PPARGC1A: variants seen among roughly 807,000 people sequenced by gnomAD.
The protein encoded by PPARGC1A is PPARG coactivator 1 alpha.
PPARGC1A carries 25 observed loss-of-function variants against 88.7 expected under a neutral mutation model. The ratio of observed to expected loss-of-function variants is 0.28; its 90% CI spans 0.21 to 0.39. The LOEUF (loss-of-function observed/expected upper bound fraction) is 0.39. PPARGC1A is among the 10% of genes least tolerant of loss of function. The pLI, the probability that PPARGC1A is intolerant of heterozygous loss-of-function variation, is 1.00. For synonymous variants in PPARGC1A, 363 were observed against 355.6 expected (o/e 1.02, Z -0.24); for missense variants, 880 against 968.7 (o/e 0.91, Z 1.22).
chr4:24,174,715 A>G, the PPARGC1A span, among the ~76,000 whole-genome samples: 1 of 151,916 alleles, frequency 6.6e-6, no homozygotes, highest in East Asian at 1.9e-4. Flanking sequence ...TGCTCGGGGC[A>G]TTTTTCCATG....
At chr4:24,446,788 G>A in the PPARGC1A span, among the ~76,000 whole-genome samples, 13 of 151,944 alleles carry the variant, frequency 8.6e-5, no homozygotes, top group African/African-American at 2.2e-4. Context: ...CAGTAGAGAC[G>A]GATGTTTTGC....
chr4:24,104,643 G>T, the PPARGC1A span, among the ~76,000 whole-genome samples: 1 of 152,074 alleles, frequency 6.6e-6, no homozygotes, highest in Non-Finnish European at 1.5e-5. Flanking sequence ...GCAATCAGAA[G>T]GAACATCAAA....
the PPARGC1A span, among the ~76,000 whole-genome samples, chr4:23,937,145 G>A: frequency 6.6e-6 from 1 of 151,228 alleles, no homozygotes. Context: ...AGGGAGAAAG[G>A]ATACGAGATA....
At chr4:24,455,233 T>C in the PPARGC1A span, among the ~76,000 whole-genome samples, 1 of 152,182 alleles carries the variant, frequency 6.6e-6, no homozygotes, top group African/African-American at 2.4e-5. Flanking sequence ...GTAATCCCAG[T>C]GCCTTGAGAG....
chr4:24,146,877 T>A, the PPARGC1A span, among the ~76,000 whole-genome samples: 1 of 152,202 alleles, frequency 6.6e-6, no homozygotes, highest in African/African-American at 2.4e-5. Flanking sequence ...TCCACATCAC[T>A]TATTATCTAA....
the PPARGC1A span, among the ~76,000 whole-genome samples, chr4:24,038,081 T>C: frequency 6.6e-6 from 1 of 152,182 alleles, no homozygotes; most frequent in Non-Finnish European, 1.5e-5. Context: ...ATAGAATGGA[T>C]TTCAGCCCCC....
chr4:23,946,170 T>C, the PPARGC1A span, among the ~76,000 whole-genome samples: 1 of 152,096 alleles, frequency 6.6e-6, no homozygotes, highest in Non-Finnish European at 1.5e-5. Flanking sequence ...TCTCTCCCTT[T>C]CCCCCAAAAC....
At chr4:23,995,860 T>G in the PPARGC1A span, among the ~76,000 whole-genome samples, 1 of 152,166 alleles carries the variant, frequency 6.6e-6, no homozygotes, top group Non-Finnish European at 1.5e-5. Flanking sequence ...TAGTTTTATA[T>G]GTTCATTGAT....
At chr4:23,897,523 G>A (rs1458443999) in intron 1 of PPARGC1A, among the ~76,000 whole-genome samples, 1 of 152,192 alleles carries the variant, frequency 6.6e-6, no homozygotes, top group African/African-American at 2.4e-5. Flanking sequence ...CTAAAATGCA[G>A]TGATGTGCCT....
At chr4:24,437,597 G>GTTGT in the PPARGC1A span, among the ~76,000 whole-genome samples, 1 of 39,298 alleles carries the variant, frequency 2.5e-5, no homozygotes, top group South Asian at 5.5e-4. Context: ...CAGGTTTTTT[G>GTTGT]TTGTTGTTGT....
the PPARGC1A span, among the ~76,000 whole-genome samples, chr4:24,465,946 T>C: frequency 1.3e-5 from 2 of 152,334 alleles, no homozygotes; most frequent in Middle Eastern, 6.8e-3. Flanking sequence ...TCACTATATA[T>C]ATGATAGGGT....
chr4:24,431,982 C>T, the PPARGC1A span, among the ~76,000 whole-genome samples: 1 of 152,094 alleles, frequency 6.6e-6, no homozygotes, highest in Non-Finnish European at 1.5e-5. Context: ...ATTTCAATAA[C>T]ATGTTAGGAT....
At chr4:24,068,618 T>C in the PPARGC1A span, among the ~76,000 whole-genome samples, 1 of 152,096 alleles carries the variant, frequency 6.6e-6, no homozygotes, top group Non-Finnish European at 1.5e-5. Context: ...TGCACATGTG[T>C]TTATATTGTG....
At chr4:24,409,495 G>C in the PPARGC1A span, among the ~76,000 whole-genome samples, 1 of 152,166 alleles carries the variant, frequency 6.6e-6, no homozygotes, top group Non-Finnish European at 1.5e-5. Context: ...GTGTACACCG[G>C]AAAGTGCTAC....
chr4:24,204,772 T>A, the PPARGC1A span, among the ~76,000 whole-genome samples: 4 of 152,172 alleles, frequency 2.6e-5, no homozygotes, highest in African/African-American at 9.7e-5. Context: ...CCTGTTGAGA[T>A]AGGGGGCCTG....
the PPARGC1A span, among the ~76,000 whole-genome samples, chr4:24,251,464 C>T: frequency 5.3e-4 from 80 of 152,270 alleles, no homozygotes; most frequent in Admixed American, 3.8e-3. Flanking sequence ...CCCGCTTTTT[C>T]GGGGTACTCT....
At chr4:24,305,484 T>C in the PPARGC1A span, among the ~76,000 whole-genome samples, 2 of 152,150 alleles carry the variant, frequency 1.3e-5, no homozygotes, top group African/African-American at 2.4e-5. Flanking sequence ...TAATGGAAAT[T>C]ACATGACTGG....
the PPARGC1A span, among the ~76,000 whole-genome samples, chr4:24,339,229 T>TACACACAC: frequency 6.4e-4 from 64 of 100,064 alleles, no homozygotes; most frequent in African/African-American, 1.8e-3. Context: ...TATATATATA[T>TACACACAC]ATATATATAC....
the PPARGC1A span, among the ~76,000 whole-genome samples, chr4:24,088,868 T>C: frequency 5.8e-4 from 89 of 152,280 alleles, no homozygotes; most frequent in African/African-American, 1.6e-3. Context: ...AGGATAGGCA[T>C]TGGAGTCAAA....
Sources: allele counts gnomAD v4.1 joint callset (sites outside exome capture counted in the v4.1 genomes callset), GRCh38; gene constraint gnomAD v4.1.1; transcripts MANE v1.5; gene names NCBI Gene and HGNC (gene_info 2026-07-23, HGNC 2026-07-21).